ERBB4: variants seen among roughly 807,000 people sequenced by gnomAD.
ERBB4 encodes receptor tyrosine-protein kinase erbB-4.
In ERBB4, 42 loss-of-function variants were observed where a neutral mutation model predicts 158.0. The observed-to-expected ratio is 0.27, with a 90% CI of 0.21 to 0.34. ERBB4 has a LOEUF of 0.34. Ranked by LOEUF, ERBB4 falls within the 10% of genes least tolerant of loss-of-function variation. The pLI is 1.00. For synonymous variants in ERBB4, 583 were observed against 558.7 expected (o/e 1.04, Z -0.61); for missense variants, 1,333 against 1,624.1 (o/e 0.82, Z 3.08).
rs561236916 is a variant in ERBB4 at position 211,725,141 on chromosome 2, C to A, written c.676G>T (p.Val226Phe). 1.9e-6 allele frequency: 3 copies of A among 1,614,084 alleles called. No individual in the cohort carries two copies. Among genetic ancestry groups the A allele is most frequent in the Non-Finnish European group, 2.5e-6 (3 of 1,179,994 alleles). The change falls in exon 6 of 28, where the codon GTC becomes TTC. Residue 226 changes from valine to phenylalanine, a missense_variant. Val to Phe is a conservative substitution (Grantham distance 50). Transcript: ENST00000342788. ...CATTCTCGATGGCAGCAGTCACTGA[C>A]GTAAGGTCCGTAGCATCTGCCGTCA... ...QCDGRCYGPY[V>F]SDCCHRECAG...
In ERBB4 at chr2:212,153,945, G is replaced by A. The variant is rs933615533; in HGVS notation, c.83-29042C>T. Among the ~76,000 whole-genome samples the A allele has an allele frequency of 2.0e-4, 31 of 152,018 alleles. 1 individual carries two copies. Among genetic ancestry groups the A allele is most frequent in the African/African-American group, 5.8e-4 (24 of 41,540 alleles). On this transcript the variant is annotated intron_variant, in intron 1 of 27. Transcript: ENST00000342788. ...AACCTCATAGCAAGAGGTTAAGTAC[G>A]TATGGAAAATGGTTCACTTTAAAAC...
intron 2 of ERBB4, among the ~76,000 whole-genome samples, chr2:212,020,785 T>C (rs1521537): frequency 0.63 from 95,368 of 151,990 alleles, 33,305 homozygotes; most frequent in East Asian, 0.93. Flanking sequence ...TCATTCAACA[T>C]GCAATTGGTA....
chr2:212,319,785 A>G lies in ERBB4; in HGVS notation c.83-194882T>C, dbSNP rs865943784. Reference sequence around the variant, plus strand: ...CCAAGTTAGTAAGCAATTAGAATGTATCTCTTTATGTAAACAATGCCAGCC... The same window carrying G: ...CCAAGTTAGTAAGCAATTAGAATGTGTCTCTTTATGTAAACAATGCCAGCC... On this transcript the variant is annotated intron_variant, in intron 1 of 27. Transcript: ENST00000342788. Among the ~76,000 whole-genome samples the G allele has an allele frequency of 1.3e-5, 2 of 150,384 alleles. 1 individual carries two copies. The highest frequency in any genetic ancestry group is 3.0e-5 in the Non-Finnish European group (2 of 67,038).
intron 1 of ERBB4, among the ~76,000 whole-genome samples, chr2:212,386,444 A>C (rs2090677147): frequency 6.6e-6 from 1 of 152,100 alleles, no homozygotes; most frequent in African/African-American, 2.4e-5. Flanking sequence ...TGGTAATCAA[A>C]GCTGCCAAAT....
Position 212,078,501 on chromosome 2 carries a change from A to T in ERBB4, c.234+46251T>A, listed in dbSNP as rs572724282. Among the ~76,000 whole-genome samples, 7 of 152,160 alleles carry T rather than the reference A, an allele frequency of 4.6e-5. No individual in the cohort carries two copies. In the South Asian group the frequency reaches 1.4e-3, roughly 31 times the overall value. On this transcript the variant is annotated intron_variant, in intron 2 of 27. Transcript: ENST00000342788. Reference sequence around the variant, plus strand: ...ATTATAACAGTGGTAATAAAATATAAATGTATTGAAATAAAAATTATCTTT... The same window carrying T: ...ATTATAACAGTGGTAATAAAATATATATGTATTGAAATAAAAATTATCTTT...
chr2:212,221,052 TAG>T (rs1404324721), intron 1 of ERBB4, among the ~76,000 whole-genome samples: 1 of 151,474 alleles, frequency 6.6e-6, no homozygotes, highest in Non-Finnish European at 1.5e-5. Flanking sequence ...CCTCCCTACT[TAG>T]AGACTTCTGA....
chr2:212,114,624 T>C (rs1344230107), intron 2 of ERBB4, among the ~76,000 whole-genome samples: 1 of 152,248 alleles, frequency 6.6e-6, no homozygotes, highest in East Asian at 1.9e-4. Context: ...TGCTTCCCAA[T>C]GCTTCATTGA....
At position 211,828,398 on chromosome 2, in the gene ERBB4, A is replaced by G. The variant is rs370674836; in HGVS notation, c.422-40239T>C. On this transcript the variant is annotated intron_variant, in intron 3 of 27. Transcript: ENST00000342788. ...GGAAAGTAGAACAAGCTCTTCTACTATCAAATTTTCTTCCAGAGCCTGTGG... is the reference window on the plus strand; with the variant it reads ...GGAAAGTAGAACAAGCTCTTCTACTGTCAAATTTTCTTCCAGAGCCTGTGG... 2.4e-3 allele frequency among the ~76,000 whole-genome samples: 365 copies of G among 152,228 alleles called. 4 individuals are homozygous for G. Among genetic ancestry groups the G allele is most frequent in the African/African-American group, 8.3e-3 (343 of 41,554 alleles).
At chr2:212,065,341 A>G (rs1188640631) in intron 2 of ERBB4, among the ~76,000 whole-genome samples, 1 of 152,072 alleles carries the variant, frequency 6.6e-6, no homozygotes, top group Non-Finnish European at 1.5e-5. Flanking sequence ...TGACCATATT[A>G]AGGTGAACCA....
At chr2:211,800,060 T>C (rs2076466162) in intron 3 of ERBB4, among the ~76,000 whole-genome samples, 1 of 152,176 alleles carries the variant, frequency 6.6e-6, no homozygotes, top group South Asian at 2.1e-4. Flanking sequence ...TATAGAACTT[T>C]CCTTTTTAAG....
intron 3 of ERBB4, among the ~76,000 whole-genome samples, chr2:211,888,310 T>C (rs909677671): frequency 2.6e-5 from 4 of 151,798 alleles, no homozygotes. Context: ...TATGGTACAT[T>C]AGCATAAAGC....
At chr2:212,316,765 G>T (rs1260023290) in intron 1 of ERBB4, among the ~76,000 whole-genome samples, 3 of 151,388 alleles carry the variant, frequency 2.0e-5, no homozygotes, top group Non-Finnish European at 4.4e-5. Flanking sequence ...TGCTTGTGAT[G>T]GTTGCAAAAC....
chr2:211,982,248 C>T (rs2081820187), intron 2 of ERBB4, among the ~76,000 whole-genome samples: 1 of 152,058 alleles, frequency 6.6e-6, no homozygotes, highest in Non-Finnish European at 1.5e-5. Context: ...AAGCAGTAAT[C>T]AAGCAATTAC....
chr2:212,423,340 G>C (rs946407487), intron 1 of ERBB4, among the ~76,000 whole-genome samples: 1 of 152,132 alleles, frequency 6.6e-6, no homozygotes, highest in African/African-American at 2.4e-5. Context: ...GATGCCAAAA[G>C]CTACAGTGAT....
At chr2:212,392,741 A>T (rs1266920754) in intron 1 of ERBB4, among the ~76,000 whole-genome samples, 1 of 152,060 alleles carries the variant, frequency 6.6e-6, no homozygotes, top group Admixed American at 6.6e-5. Flanking sequence ...TTTGTGCAAT[A>T]ATCACATATT....
chr2:211,585,364 A>AAAT (rs2068243923), intron 19 of ERBB4, among the ~76,000 whole-genome samples: 1 of 151,856 alleles, frequency 6.6e-6, no homozygotes, highest in South Asian at 2.1e-4. Context: ...AAAAAAAAAA[A>AAAT]AAGACTTCCT....
intron 2 of ERBB4, among the ~76,000 whole-genome samples, chr2:212,046,119 T>C (rs1313238911): frequency 6.6e-6 from 1 of 152,104 alleles, no homozygotes; most frequent in African/African-American, 2.4e-5. Flanking sequence ...TTTTCAGACA[T>C]GTGAAGTGGA....
intron 3 of ERBB4, among the ~76,000 whole-genome samples, chr2:211,827,955 G>A (rs997690798): frequency 1.5e-4 from 23 of 152,142 alleles, no homozygotes; most frequent in African/African-American, 5.5e-4. Context: ...TACAGGTGAG[G>A]AAACAGAGGC....
intron 19 of ERBB4, among the ~76,000 whole-genome samples, chr2:211,614,420 A>G (rs2069309920): frequency 6.6e-6 from 1 of 152,008 alleles, no homozygotes; most frequent in Non-Finnish European, 1.5e-5. Flanking sequence ...AATGAGTGTG[A>G]TTGGATTGTT....
Sources: allele counts gnomAD v4.1 joint callset (sites outside exome capture counted in the v4.1 genomes callset), GRCh38; gene constraint gnomAD v4.1.1; transcripts MANE v1.5; gene names NCBI Gene and HGNC (gene_info 2026-07-23, HGNC 2026-07-21).